Variants in SPEF2 observed in about 807,000 individuals in gnomAD.
SPEF2 encodes sperm flagella and cilia-associated protein 2.
A neutral mutation model predicts 224.6 loss-of-function variants in SPEF2; 187 were observed. That is an observed-to-expected ratio of 0.83 (90% confidence interval 0.74 to 0.94). SPEF2 has a LOEUF of 0.94. SPEF2 is among the 40% of genes least tolerant of loss of function. The pLI is 0.00. For synonymous variants in SPEF2, 715 were observed against 707.3 expected (o/e 1.01, Z -0.17); for missense variants, 2,170 against 2,135.6 (o/e 1.02, Z -0.32).
intron 24 of SPEF2, among the ~76,000 whole-genome samples, chr5:35,754,831 C>T (rs966825941): frequency 3.9e-5 from 6 of 152,154 alleles, no homozygotes; most frequent in Non-Finnish European, 8.8e-5. Flanking sequence ...ATTTCTGATC[C>T]TTAATTGATT....
Position 35,704,620 on chromosome 5 carries a change from A to G in SPEF2, c.2465A>G (p.Asp822Gly). 1 of 1,613,024 alleles carries G rather than the reference A, an allele frequency of 6.2e-7. No homozygotes were observed. Among genetic ancestry groups the G allele is most frequent in the Non-Finnish European group, 8.5e-7 (1 of 1,179,310 alleles). ...ISQRVAAENQ[D>G]KDGDQNLRDQ... ...CAACGTGTAGCTGCTGAAAACCAAGATAAGGATGGAGACCAAAATTTAAGA... is the reference window on the plus strand; with the variant it reads ...CAACGTGTAGCTGCTGAAAACCAAGGTAAGGATGGAGACCAAAATTTAAGA... Residue 822 changes from aspartate to glycine, a missense_variant, in exon 17 of 37, where the codon GAT becomes GGT. Asp to Gly is a moderately conservative substitution (Grantham distance 94). Coordinates refer to ENST00000356031, the MANE Select transcript of SPEF2 (RefSeq NM_024867.4).
rs1446869211 is a variant in SPEF2 at position 35,654,699 on chromosome 5, C to T, written c.951C>T (p.Asp317=). 11 of 1,610,560 alleles carry T rather than the reference C, an allele frequency of 6.8e-6. No homozygotes were observed. The highest frequency in any genetic ancestry group is 9.3e-6 in the Non-Finnish European group (11 of 1,179,296). ...AAAGACGGCGGAAATTGTTAATGGA[C>T]CAGTTAATAGCCCACGAAGCACAAG... is the stretch of plus-strand genomic sequence containing the variant. ...REKRRRKLLM[D]QLIAHEAQEE... Residue 317 remains aspartate (D), a synonymous_variant, in exon 7 of 37, where the codon GAC becomes GAT. Transcript: ENST00000356031.
At chr5:35,802,192 C>G (rs956522030) in intron 34 of SPEF2, among the ~76,000 whole-genome samples, 5 of 152,144 alleles carry the variant, frequency 3.3e-5, no homozygotes, top group Admixed American at 1.3e-4. Flanking sequence ...CTCCACCTGG[C>G]ATACTCTTCA....
rs1162417759 is a variant in SPEF2, at chr5:35,793,322, C to A, written c.4718C>A (p.Thr1573Asn). 3 of 1,613,756 alleles carry A rather than the reference C, an allele frequency of 1.9e-6. No homozygotes were observed. The highest frequency in any genetic ancestry group is 1.1e-5 in the South Asian group (1 of 91,026). Reference protein sequence around the residue: ...AVDKEQLGTITFEQYMQAGLW... With the variant: ...AVDKEQLGTINFEQYMQAGLW... ...GATAAGGAGCAGTTGGGCACCATCA[C>A]TTTTGAGCAGTATATGCAGGTTGTT... Residue 1573 changes from threonine (T) to asparagine (N), a missense_variant, in exon 32 of 37, where the codon ACT becomes AAT. Transcript: ENST00000356031.
At position 35,767,663 on chromosome 5, in the gene SPEF2, A is replaced by G. The variant is rs149816502; in HGVS notation, c.3802-3946A>G. On this transcript the variant is annotated intron_variant, in intron 26 of 36. Coordinates refer to ENST00000356031, the MANE Select transcript of SPEF2 (RefSeq NM_024867.4). Reference sequence around the variant, plus strand: ...GACAAGCAATACAAATAGAAAGTACAGAGAAGATAGTAGATTTATAGCCCA... The same window carrying G: ...GACAAGCAATACAAATAGAAAGTACGGAGAAGATAGTAGATTTATAGCCCA... Among the ~76,000 whole-genome samples, 17 of 152,276 alleles carry G rather than the reference A, an allele frequency of 1.1e-4. No individual in the cohort carries two copies. In the East Asian group the frequency reaches 3.3e-3, roughly 29 times the overall value.
chr5:35,730,116 C>T (rs1158637622), intron 21 of SPEF2, among the ~76,000 whole-genome samples: 1 of 152,146 alleles, frequency 6.6e-6, no homozygotes, highest in Non-Finnish European at 1.5e-5. Flanking sequence ...TGTTTCCAGA[C>T]CTTCTAAGGG....
intron 21 of SPEF2, among the ~76,000 whole-genome samples, chr5:35,736,892 T>C (rs763620973): frequency 7.6e-5 from 11 of 144,718 alleles, no homozygotes; most frequent in Admixed American, 2.8e-4. Flanking sequence ...CCTCAGAAAC[T>C]TCACAAAATG....
chr5:35,645,597 A>C (rs1002955764), intron 4 of SPEF2, among the ~76,000 whole-genome samples: 1 of 152,180 alleles, frequency 6.6e-6, no homozygotes, highest in Non-Finnish European at 1.5e-5. Flanking sequence ...TAAAGAGAGA[A>C]AGCACTCTTA....
chr5:35,704,686 G>A (rs774837625), intron 17 of SPEF2, 24 bp downstream of exon 17: 1 of 1,330,062 alleles, frequency 7.5e-7, no homozygotes, highest in South Asian at 1.2e-5. Context: ...TAAATGCTCT[G>A]CTTCTTGTTT....
At chr5:35,811,166 C>A (rs1294389312) in intron 36 of SPEF2, among the ~76,000 whole-genome samples, 1 of 151,704 alleles carries the variant, frequency 6.6e-6, no homozygotes, top group Non-Finnish European at 1.5e-5. Context: ...TTTGAAGACT[C>A]AAACCACTGC....
At position 35,738,517 on chromosome 5, in the gene SPEF2, G is replaced by A. The variant is rs1327371501; in HGVS notation, c.3064-1402G>A. Among the ~76,000 whole-genome samples the A allele has an allele frequency of 2.0e-5, 3 of 149,764 alleles. No homozygotes were observed. The East Asian group carries it at 6.1e-4, about 30-fold the overall frequency. Reference sequence around the variant, plus strand: ...TTTGTCAGGTTTGTCAAAGATCATTGTTAGTAGCAGACAAGAGCAAAGCTT... The same window carrying A: ...TTTGTCAGGTTTGTCAAAGATCATTATTAGTAGCAGACAAGAGCAAAGCTT... On this transcript the variant is annotated intron_variant, in intron 21 of 36. Coordinates refer to ENST00000356031, the MANE Select transcript of SPEF2 (RefSeq NM_024867.4).
chr5:35,804,883 GT>G (rs1269543392), intron 34 of SPEF2, among the ~76,000 whole-genome samples: 1 of 152,090 alleles, frequency 6.6e-6, no homozygotes, highest in African/African-American at 2.4e-5. Context: ...CAGGTTCTAT[GT>G]TTATCTTGGG....
chr5:35,654,723 A>C lies in SPEF2; in HGVS notation c.975A>C (p.Gln325His), dbSNP rs765211476. The C allele has an allele frequency of 1.1e-5, 17 of 1,604,916 alleles. No homozygotes were observed. The highest frequency in any genetic ancestry group is 1.3e-5 in the Non-Finnish European group (15 of 1,177,788). Residue 325 changes from glutamine (Q) to histidine (H), a missense_variant, in exon 7 of 37, where the codon CAA (glutamine) becomes CAC (histidine). Coordinates refer to ENST00000356031, the MANE Select transcript of SPEF2 (RefSeq NM_024867.4). ...LMDQLIAHEA[Q>H]EEAYREEQLI... is the part of the protein sequence containing the mutation. ...ACCAGTTAATAGCCCACGAAGCACA[A>C]GAGGTAAGATATTTAGATGAAGGTT...
intron 7 of SPEF2, among the ~76,000 whole-genome samples, chr5:35,658,333 A>G (rs939210437): frequency 2.0e-5 from 3 of 152,160 alleles, no homozygotes; most frequent in Admixed American, 6.5e-5. Context: ...CTTTCAGATT[A>G]TGATCACTCA....
At chr5:35,652,033 C>T (rs1748264095) in intron 6 of SPEF2, among the ~76,000 whole-genome samples, 1 of 152,156 alleles carries the variant, frequency 6.6e-6, no homozygotes, top group Non-Finnish European at 1.5e-5. Context: ...GCAACTACTT[C>T]TTAAGAAACA....
intron 21 of SPEF2, among the ~76,000 whole-genome samples, chr5:35,738,645 A>G (rs1747067420): frequency 1.3e-5 from 2 of 151,008 alleles, no homozygotes; most frequent in Admixed American, 1.3e-4. Context: ...TTTGACATCC[A>G]TCTAGGGGAA....
intron 10 of SPEF2, among the ~76,000 whole-genome samples, chr5:35,677,550 A>G (rs762855168): frequency 6.6e-6 from 1 of 152,134 alleles, no homozygotes; most frequent in Non-Finnish European, 1.5e-5. Context: ...TTTGAAAAGC[A>G]CTGGGCTGCT....
intron 7 of SPEF2, among the ~76,000 whole-genome samples, chr5:35,656,523 T>C (rs1748974132): frequency 6.6e-6 from 1 of 152,348 alleles, no homozygotes; most frequent in South Asian, 2.1e-4. Flanking sequence ...TTAAAATACC[T>C]ACCCATTTCA....
intron 4 of SPEF2, among the ~76,000 whole-genome samples, chr5:35,646,226 T>G (rs1747348983): frequency 1.3e-5 from 2 of 152,148 alleles, no homozygotes; most frequent in South Asian, 4.1e-4. Flanking sequence ...AAGTTTGTGA[T>G]TTTTATTGGG....
Sources: allele counts gnomAD v4.1 joint callset (sites outside exome capture counted in the v4.1 genomes callset), GRCh38; gene constraint gnomAD v4.1.1; transcripts MANE v1.5; gene names NCBI Gene and HGNC (gene_info 2026-07-23, HGNC 2026-07-21).